The following GDI2 variants were observed in gnomAD, a reference collection of about 807,000 sequenced individuals.
GDI2 encodes rab GDP dissociation inhibitor beta.
A neutral mutation model predicts 54.2 loss-of-function variants in GDI2; 22 were observed. That is an observed-to-expected ratio of 0.41 (90% CI 0.29 to 0.58). The LOEUF (loss-of-function observed/expected upper bound fraction) is 0.58. Among genes scored for constraint, GDI2 ranks in the 20% least tolerant of loss-of-function variants. The pLI is 0.35. For missense variants in GDI2, 422 were observed against 546.0 expected (o/e 0.77, Z 2.26); for synonymous variants, 177 against 182.1 (o/e 0.97, Z 0.23).
In GDI2 at chr10:5,786,878, T is replaced by C. The variant is rs926490956; in HGVS notation, c.389-828A>G. 5.3e-5 allele frequency among the ~76,000 whole-genome samples: 8 copies of C among 152,214 alleles called. No homozygotes were observed. In the East Asian group the frequency reaches 1.5e-3, roughly 29 times the overall value. On this transcript the variant is annotated intron_variant, in intron 4 of 10. Transcript: ENST00000380191. ...TGCTGCTACTGCTGCTAGTCACTTATTTTACTGAAGTCCTACATAAGCAAC... is the reference window on the plus strand; with the variant it reads ...TGCTGCTACTGCTGCTAGTCACTTACTTTACTGAAGTCCTACATAAGCAAC...
intron 1 of GDI2, among the ~76,000 whole-genome samples, chr10:5,802,785 A>G (rs1841298373): frequency 1.3e-5 from 2 of 152,236 alleles, no homozygotes; most frequent in African/African-American, 2.4e-5. Flanking sequence ...TGTTTTCCAA[A>G]TAACGGGTGA....
Position 5,765,974 on chromosome 10 carries a change from G to GT in GDI2, c.*31dup, listed in dbSNP as rs779725113. The GT allele has an allele frequency of 6.6e-7, 1 of 1,514,858 alleles. No homozygotes were observed. The highest frequency in any genetic ancestry group is 1.3e-5 in the South Asian group (1 of 78,710). The allele number at this position is 1,514,858 out of a possible 1,614,324, so 93.8% of individuals were successfully genotyped here. A position where few individuals can be genotyped will look rare whatever the true frequency, so the allele number is the denominator to read the frequency against. ...ATGCATTATTTGCCAAATTTTAAATGTGTCCTAATTACATAATAACATGTA... is the reference window on the plus strand; with the variant it reads ...ATGCATTATTTGCCAAATTTTAAATGTTGTCCTAATTACATAATAACATGTA... On this transcript the variant is annotated 3_prime_UTR_variant, in exon 11 of 11. Coordinates refer to ENST00000380191, the MANE Select transcript of GDI2 (RefSeq NM_001494.4).
intron 1 of GDI2, among the ~76,000 whole-genome samples, chr10:5,805,918 T>A (rs138637001): frequency 1.8e-4 from 28 of 152,338 alleles, no homozygotes; most frequent in African/African-American, 6.7e-4. Context: ...TGTAGACGAT[T>A]CCACTGAATG....
chr10:5,794,392 G>A (rs991873715), intron 4 of GDI2, among the ~76,000 whole-genome samples: 7 of 151,280 alleles, frequency 4.6e-5, no homozygotes, highest in Non-Finnish European at 7.4e-5. Flanking sequence ...GGGCTCTGGA[G>A]CCACACTACC....
chr10:5,794,979 G>C lies in GDI2; in HGVS notation c.294C>G (p.Arg98=). 1 of 1,593,164 alleles carries C rather than the reference G, an allele frequency of 6.3e-7. No individual in the cohort carries two copies. Among genetic ancestry groups the C allele is most frequent in the Non-Finnish European group, 8.6e-7 (1 of 1,161,038 alleles). ...VKMLLYTEVT[R]YLDFKVTEGS... is the part of the protein sequence containing the mutation. Reference sequence around the variant, plus strand: ...CTTCAGTCACTTTAAAATCCAGATAGCGAGTTACCTCTGTATAAAGCAGCA... The same window carrying C: ...CTTCAGTCACTTTAAAATCCAGATACCGAGTTACCTCTGTATAAAGCAGCA... Residue 98 remains arginine, a synonymous_variant, in exon 4 of 11, where the codon CGC becomes CGG. Transcript: ENST00000380191.
chr10:5,766,654 AC>A lies in GDI2; in HGVS notation c.992-17del. ...ACGTAGATATCTAGAAACAAATGAT[AC>A]CAGCTCACTGCCTCAAGTGTCTCCA... On this transcript the variant is annotated splice_polypyrimidine_tract_variant and intron_variant, in intron 8 of 10. Coordinates refer to ENST00000380191, the MANE Select transcript of GDI2 (RefSeq NM_001494.4). This position sits in a 1 kb window ranked among gnomAD's most constrained non-coding sequence, Gnocchi z 5.8. 2 of 1,610,270 alleles carry A rather than the reference AC, an allele frequency of 1.2e-6. No homozygotes were observed. The highest frequency in any genetic ancestry group is 1.7e-6 in the Non-Finnish European group (2 of 1,176,512).
At chr10:5,778,541 A>G (rs992962593) in intron 6 of GDI2, among the ~76,000 whole-genome samples, 1 of 152,244 alleles carries the variant, frequency 6.6e-6, no homozygotes, top group African/African-American at 2.4e-5. Flanking sequence ...CAGGAGAAAT[A>G]TTTAAATTTC....
Position 5,793,083 on chromosome 10 carries a change from T to C in GDI2, c.388+1802A>G, listed in dbSNP as rs371744757. 5.1e-4 allele frequency among the ~76,000 whole-genome samples: 78 copies of C among 152,172 alleles called. No homozygotes were observed. In the South Asian group the frequency reaches 0.016, roughly 32 times the overall value. On this transcript the variant is annotated intron_variant, in intron 4 of 10. Coordinates refer to ENST00000380191, the MANE Select transcript of GDI2 (RefSeq NM_001494.4). Reference sequence around the variant, plus strand: ...AATCACAGCTCACTGCAGCTTTGATTTCCTGGACTCAAGCGATCCTCCTGC... The same window carrying C: ...AATCACAGCTCACTGCAGCTTTGATCTCCTGGACTCAAGCGATCCTCCTGC...
intron 1 of GDI2, among the ~76,000 whole-genome samples, chr10:5,809,654 T>A (rs904462350): frequency 6.6e-6 from 1 of 152,240 alleles, no homozygotes; most frequent in Non-Finnish European, 1.5e-5. Flanking sequence ...AAGCTACTTA[T>A]AGACAGGTTC....
Position 5,776,713 on chromosome 10 carries a change from T to TAC in GDI2, c.720-2774_720-2773dup, listed in dbSNP as rs774144395. On this transcript the variant is annotated intron_variant, in intron 6 of 10. Transcript: ENST00000380191. This position sits in a 1 kb window ranked among gnomAD's most constrained non-coding sequence, Gnocchi z 5.3. ...GCTTGCCGCCACATTCAGAAACTGCTACAGCCTCTTTAACCTGGCAGAAGT... is the reference window on the plus strand; with the variant it reads ...GCTTGCCGCCACATTCAGAAACTGCTACACAGCCTCTTTAACCTGGCAGAAGT... 1.0e-5 allele frequency: 15 copies of TAC among 1,471,450 alleles called. No individual in the cohort carries two copies. The highest frequency in any genetic ancestry group is 1.3e-5 in the Non-Finnish European group (14 of 1,056,452). The allele number at this position is 1,471,450 out of a possible 1,614,324, so 91.1% of individuals were successfully genotyped here. A position where few individuals can be genotyped will look rare whatever the true frequency, so the allele number is the denominator to read the frequency against.
chr10:5,768,176 A>G lies in GDI2; in HGVS notation c.991+37T>C. 6.4e-7 allele frequency: 1 copy of G among 1,561,780 alleles called. No individual in the cohort carries two copies. Among genetic ancestry groups the G allele is most frequent in the Non-Finnish European group, 8.8e-7 (1 of 1,135,110 alleles). ...AAACACAAAGCAAATTATATCTTACAAAATTCTACCAACATCTGCTGGTCT... is the reference window on the plus strand; with the variant it reads ...AAACACAAAGCAAATTATATCTTACGAAATTCTACCAACATCTGCTGGTCT... On this transcript the variant is annotated intron_variant, in intron 8 of 10. Coordinates refer to ENST00000380191, the MANE Select transcript of GDI2 (RefSeq NM_001494.4). The surrounding 1 kb of genome is among the most constrained non-coding windows in gnomAD (Gnocchi z 4.4).
At position 5,766,385 on chromosome 10, in the gene GDI2, CACAGAGCAGCCAGCAGCT is replaced by C. The variant is rs1485865133; in HGVS notation, c.1136+91_1137-91del. The C allele has an allele frequency of 2.0e-6, 3 of 1,498,022 alleles. No homozygotes were observed. Among genetic ancestry groups the C allele is most frequent in the Admixed American group, 1.7e-5 (1 of 59,860 alleles). The allele number at this position is 1,498,022 out of a possible 1,614,324, so 92.8% of individuals were successfully genotyped here. On this transcript the variant is annotated intron_variant, in intron 9 of 10. Transcript: ENST00000380191. This position sits in a 1 kb window ranked among gnomAD's most constrained non-coding sequence, Gnocchi z 5.8. ...TCAACTGAGAGGTACAGATGAATCCCACAGAGCAGCCAGCAGCTACCTGCCTTGCCCTCACATTCGTCC... is the reference window on the plus strand; with the variant it reads ...TCAACTGAGAGGTACAGATGAATCCCACCTGCCTTGCCCTCACATTCGTCC...
chr10:5,772,098 A>G (rs943295418), intron 7 of GDI2, among the ~76,000 whole-genome samples: 5 of 151,998 alleles, frequency 3.3e-5, no homozygotes, highest in Non-Finnish European at 7.4e-5. Context: ...CACACCATTT[A>G]TCTCTATCTC....
chr10:5,811,242 A>G (rs1271994974), intron 1 of GDI2, among the ~76,000 whole-genome samples: 1 of 152,204 alleles, frequency 6.6e-6, no homozygotes, highest in Non-Finnish European at 1.5e-5. Flanking sequence ...AGAACATCTC[A>G]GAAAACTTAG....
At chr10:5,791,740 C>CA (rs770101977) in intron 4 of GDI2, among the ~76,000 whole-genome samples, 19 of 76,416 alleles carry the variant, frequency 2.5e-4, no homozygotes, top group Middle Eastern at 6.3e-3. Flanking sequence ...AACTCCGTCT[C>CA]AAAAAAAAAG....
At chr10:5,796,257 G>A (rs1229198924) in intron 3 of GDI2, among the ~76,000 whole-genome samples, 1 of 151,662 alleles carries the variant, frequency 6.6e-6, no homozygotes, top group African/African-American at 2.4e-5. Context: ...GGCTGAGGCA[G>A]GAGAATTGCT....
intron 6 of GDI2, among the ~76,000 whole-genome samples, chr10:5,780,511 T>C (rs1840733064): frequency 7.2e-6 from 1 of 139,816 alleles, no homozygotes; most frequent in Non-Finnish European, 1.6e-5. Context: ...GAAGGATAAT[T>C]CTAAGAAATA....
intron 1 of GDI2, among the ~76,000 whole-genome samples, chr10:5,806,870 G>A (rs1442990198): frequency 6.6e-6 from 1 of 152,190 alleles, no homozygotes; most frequent in Admixed American, 6.5e-5. Flanking sequence ...ATCTCAGCAA[G>A]CAAATTGGAG....
intron 6 of GDI2, among the ~76,000 whole-genome samples, chr10:5,779,011 G>T (rs1183884494): frequency 1.3e-5 from 2 of 152,018 alleles, no homozygotes; most frequent in Non-Finnish European, 2.9e-5. Context: ...GTGATCCAAA[G>T]AAAACAGAAA....
Sources: allele counts gnomAD v4.1 joint callset (sites outside exome capture counted in the v4.1 genomes callset), GRCh38; gene constraint gnomAD v4.1.1; non-coding constraint Gnocchi (gnomAD v3.1); transcripts MANE v1.5; gene names NCBI Gene and HGNC (gene_info 2026-07-23, HGNC 2026-07-21).